Variants in STAT4 observed in about 807,000 individuals in gnomAD.
The protein encoded by STAT4 is signal transducer and activator of transcription 4.
STAT4 carries 42 observed loss-of-function variants against 110.5 expected under a neutral mutation model. That is an observed-to-expected ratio of 0.38 (90% CI 0.30 to 0.49). The LOEUF (loss-of-function observed/expected upper bound fraction) is 0.49. STAT4 is among the 20% of genes least tolerant of loss of function. The pLI is 0.95. For missense variants in STAT4, 632 were observed against 887.9 expected (o/e 0.71, Z 3.66); for synonymous variants, 284 against 302.2 (o/e 0.94, Z 0.63).
rs1697788391 is a variant in STAT4 at position 191,091,165 on chromosome 2, G to T, written c.274-14840C>A. On this transcript the variant is annotated intron_variant, in intron 3 of 23. Coordinates refer to ENST00000392320, the MANE Select transcript of STAT4 (RefSeq NM_003151.4). The surrounding 1 kb of genome is among the most constrained non-coding windows in gnomAD (Gnocchi z 5.4). Reference sequence around the variant, plus strand: ...AGTAAACGTAAATATTGGTAAAGGGGGTATGCACATATCTCTCTTGCTGAT... The same window carrying T: ...AGTAAACGTAAATATTGGTAAAGGGTGTATGCACATATCTCTCTTGCTGAT... Among the ~76,000 whole-genome samples, 2 of 152,088 alleles carry T rather than the reference G, an allele frequency of 1.3e-5. No individual in the cohort carries two copies. Among genetic ancestry groups the T allele is most frequent in the African/African-American group, 2.4e-5 (1 of 41,478 alleles).
chr2:191,126,052 G>A (rs4078213), intron 3 of STAT4, among the ~76,000 whole-genome samples: 92,587 of 152,000 alleles, frequency 0.61, 28,971 homozygotes, highest in South Asian at 0.78. Flanking sequence ...TTAGATATCT[G>A]CTTGACCGTT....
In STAT4 at chr2:191,096,970, C is replaced by A. The variant is rs189258062; in HGVS notation, c.274-20645G>T. On this transcript the variant is annotated intron_variant, in intron 3 of 23. Coordinates refer to ENST00000392320, the MANE Select transcript of STAT4 (RefSeq NM_003151.4). ...CAAAAATCACAAGCATTCTTATACA[C>A]CAATAACAGACAAACAGAGAGCCAA... is the stretch of plus-strand genomic sequence containing the variant. Among the ~76,000 whole-genome samples, 393 of 152,196 alleles carry A rather than the reference C, an allele frequency of 2.6e-3. 5 individuals carry two copies. Among genetic ancestry groups the A allele is most frequent in the Admixed American group, 0.022 (335 of 15,262 alleles).
intron 3 of STAT4, among the ~76,000 whole-genome samples, chr2:191,081,143 C>A (rs1419436315): frequency 6.6e-6 from 1 of 152,172 alleles, no homozygotes; most frequent in East Asian, 1.9e-4. Flanking sequence ...CTTCCAGCTT[C>A]ATCCATGTCC....
rs931839847 is a variant in STAT4, at chr2:191,146,539, G to T, written c.273+74C>A. The T allele has an allele frequency of 7.2e-6, 9 of 1,244,116 alleles. No individual in the cohort carries two copies. The Admixed American group carries it at 2.3e-4, about 32-fold the overall frequency. 77.1% of individuals were successfully genotyped at this position (1,244,116 alleles called of 1,614,324 possible). Reference sequence around the variant, plus strand: ...AATTTCATTTGAAAATAATATAAGGGTACATATTTAATTTTTAACTAAATT... The same window carrying T: ...AATTTCATTTGAAAATAATATAAGGTTACATATTTAATTTTTAACTAAATT... On this transcript the variant is annotated intron_variant, in intron 3 of 23. Transcript: ENST00000392320. The surrounding 1 kb of genome is among the most constrained non-coding windows in gnomAD (Gnocchi z 4.5).
At chr2:191,097,072 A>G (rs989542050) in intron 3 of STAT4, among the ~76,000 whole-genome samples, 1 of 152,232 alleles carries the variant, frequency 6.6e-6, no homozygotes, top group African/African-American at 2.4e-5. Context: ...AGGGATGTGA[A>G]GGACCTCTTC....
At chr2:191,133,645 A>T (rs1699102391) in intron 3 of STAT4, among the ~76,000 whole-genome samples, 1 of 151,666 alleles carries the variant, frequency 6.6e-6, no homozygotes, top group African/African-American at 2.4e-5. Context: ...CTTTAATTTT[A>T]AAAAATTATG....
chr2:191,073,979 T>C (rs116246935), intron 4 of STAT4, among the ~76,000 whole-genome samples: 2,178 of 152,274 alleles, frequency 0.014, 49 homozygotes, highest in African/African-American at 0.049. Context: ...ATAAAACCAA[T>C]ATGTGTAATT....
intron 3 of STAT4, among the ~76,000 whole-genome samples, chr2:191,111,745 C>T (rs1272577825): frequency 1.3e-5 from 2 of 152,042 alleles, no homozygotes; most frequent in Non-Finnish European, 2.9e-5. Flanking sequence ...GCCTGTAGTG[C>T]CAGCTCTCAA....
At chr2:191,078,944 A>G (rs942466919) in intron 3 of STAT4, among the ~76,000 whole-genome samples, 3 of 152,126 alleles carry the variant, frequency 2.0e-5, no homozygotes, top group Non-Finnish European at 4.4e-5. Flanking sequence ...GAGCTTGTTA[A>G]TAATGAGAGT....
At chr2:191,081,219 A>G (rs1353967572) in intron 3 of STAT4, among the ~76,000 whole-genome samples, 3 of 152,076 alleles carry the variant, frequency 2.0e-5, no homozygotes, top group Non-Finnish European at 4.4e-5. Context: ...TATGTGCCAA[A>G]TTTTCTTTAT....
rs148410591 is a variant in STAT4 at position 191,031,865 on chromosome 2, T to C, written c.2045-349A>G. ...TTGAGTCATGTTTTGGGAGATATAA[T>C]AACCCAGTTCTTTTCATTAAAATTG... On this transcript the variant is annotated intron_variant, in intron 21 of 23. Coordinates refer to ENST00000392320, the MANE Select transcript of STAT4 (RefSeq NM_003151.4). The surrounding 1 kb of genome is among the most constrained non-coding windows in gnomAD (Gnocchi z 4.8). Among the ~76,000 whole-genome samples, 295 of 152,316 alleles carry C rather than the reference T, an allele frequency of 1.9e-3. 1 individual carries two copies. The highest frequency in any genetic ancestry group is 3.0e-3 in the Non-Finnish European group (203 of 68,024).
At chr2:191,057,390 C>T (rs1696728446) in intron 13 of STAT4, among the ~76,000 whole-genome samples, 2 of 152,136 alleles carry the variant, frequency 1.3e-5, no homozygotes, top group African/African-American at 4.8e-5. Flanking sequence ...TGTAACACCT[C>T]TCCATTTTAA....
chr2:191,063,774 A>G (rs1007954078), intron 8 of STAT4, among the ~76,000 whole-genome samples: 6 of 152,214 alleles, frequency 3.9e-5, no homozygotes, highest in African/African-American at 1.4e-4. Flanking sequence ...AACAGAGTAC[A>G]GTGAGTTGTA....
chr2:191,092,716 G>A (rs1035071858), intron 3 of STAT4, among the ~76,000 whole-genome samples: 13 of 152,100 alleles, frequency 8.5e-5, no homozygotes, highest in African/African-American at 2.4e-4. Context: ...TTCAGCCCAC[G>A]GAGGGTGAGC....
chr2:191,057,603 T>C (rs1442247882), intron 13 of STAT4, among the ~76,000 whole-genome samples: 1 of 139,002 alleles, frequency 7.2e-6, no homozygotes, highest in Non-Finnish European at 1.6e-5. Flanking sequence ...TTTCTTTTTC[T>C]TTTTTTTTTT....
rs1436767838 is a variant in STAT4, at chr2:191,031,436, C to T, written c.2111+14G>A. On this transcript the variant is annotated intron_variant, in intron 22 of 23. Coordinates refer to ENST00000392320, the MANE Select transcript of STAT4 (RefSeq NM_003151.4). This position sits in a 1 kb window ranked among gnomAD's most constrained non-coding sequence, Gnocchi z 4.8. The stretch of plus-strand genomic sequence containing the variant: ...TTTTATAAAAATATTTCACATGTGA[C>T]TAACATTACTCACATTGTTGAGATG... 6.2e-7 allele frequency: 1 copy of T among 1,606,358 alleles called. No homozygotes were observed. Among genetic ancestry groups the T allele is most frequent in the Admixed American group, 1.7e-5 (1 of 58,892 alleles).
At chr2:191,054,206 T>G (rs1696609529) in intron 14 of STAT4, among the ~76,000 whole-genome samples, 1 of 132,488 alleles carries the variant, frequency 7.5e-6, no homozygotes, top group African/African-American at 3.0e-5. Flanking sequence ...GAGTATCATA[T>G]ATTTTTAAAG....
At chr2:191,067,370 A>G (rs539743829) in intron 6 of STAT4, among the ~76,000 whole-genome samples, 1 of 152,184 alleles carries the variant, frequency 6.6e-6, no homozygotes, top group South Asian at 2.1e-4. Context: ...CTGGACCCCT[A>G]AGAGGAACAC....
intron 14 of STAT4, among the ~76,000 whole-genome samples, chr2:191,048,280 CA>C (rs1696408896): frequency 6.6e-6 from 1 of 152,100 alleles, no homozygotes; most frequent in Admixed American, 6.5e-5. Context: ...ACATTTAGAA[CA>C]AAATCCAGCA....
Sources: allele counts gnomAD v4.1 joint callset (sites outside exome capture counted in the v4.1 genomes callset), GRCh38; gene constraint gnomAD v4.1.1; non-coding constraint Gnocchi (gnomAD v3.1); transcripts MANE v1.5; gene names NCBI Gene and HGNC (gene_info 2026-07-23, HGNC 2026-07-21).